The following RGS6 variants were observed in gnomAD, a reference collection of about 807,000 sequenced individuals.
RGS6 encodes the protein regulator of G-protein signaling 6.
In RGS6, 30 loss-of-function variants were observed where a neutral mutation model predicts 78.5. The observed-to-expected ratio is 0.38, with a 90% confidence interval of 0.29 to 0.52. RGS6 has a LOEUF of 0.52. Among genes scored for constraint, RGS6 ranks in the 20% least tolerant of loss-of-function variants. The pLI is 0.85. For missense variants in RGS6, 495 were observed against 609.7 expected, an observed-to-expected ratio of 0.81 and a Z score of 1.98; for synonymous variants, 206 against 206.0, an observed-to-expected ratio of 1.00 and a Z score of 0.00.
chr14:72,604,714 G>T, the RGS6 span, among the ~76,000 whole-genome samples: 1 of 152,112 alleles, frequency 6.6e-6, no homozygotes, highest in African/African-American at 2.4e-5. Flanking sequence ...ACCCTCCTTA[G>T]CTCCTCCCAG....
At chr14:71,930,230 G>C (rs36327), upstream of RGS6, among the ~76,000 whole-genome samples, 25,975 of 151,970 alleles carry the variant, frequency 0.17, 2,435 homozygotes, top group African/African-American at 0.23. Flanking sequence ...CAACTTCAAG[G>C]CACATAGCTA....
intron 2 of RGS6, among the ~76,000 whole-genome samples, chr14:72,057,313 G>GAAAAAAA (rs71109718): frequency 8.2e-4 from 46 of 56,162 alleles, no homozygotes; most frequent in African/African-American, 2.3e-3. Flanking sequence ...GACTCTATCT[G>GAAAAAAA]AAAAAAAAAA....
chr14:72,107,737 T>C (rs1182380043), intron 2 of RGS6, among the ~76,000 whole-genome samples: 1 of 152,182 alleles, frequency 6.6e-6, no homozygotes, highest in Non-Finnish European at 1.5e-5. Context: ...TAACGTCTTC[T>C]GTATGGCATC....
intron 3 of RGS6, among the ~76,000 whole-genome samples, chr14:72,411,996 A>T (rs1025304820): frequency 6.6e-6 from 1 of 152,044 alleles, no homozygotes; most frequent in East Asian, 1.9e-4. Flanking sequence ...TTTTTGCATC[A>T]GTGTTCATCA....
chr14:72,117,604 C>T (rs1457847593), intron 2 of RGS6, among the ~76,000 whole-genome samples: 1 of 152,140 alleles, frequency 6.6e-6, no homozygotes, highest in East Asian at 1.9e-4. Context: ...AGGACTAACA[C>T]AGCAGGTGAG....
chr14:71,986,788 A>G (rs1471355158), intron 2 of RGS6, among the ~76,000 whole-genome samples: 1 of 152,230 alleles, frequency 6.6e-6, no homozygotes, highest in African/African-American at 2.4e-5. Flanking sequence ...ATGATTTGGC[A>G]GAGCTGCATG....
the RGS6 span, among the ~76,000 whole-genome samples, chr14:72,593,529 C>A: frequency 6.6e-6 from 1 of 152,136 alleles, no homozygotes; most frequent in Non-Finnish European, 1.5e-5. Flanking sequence ...AGGTTACAGG[C>A]ACATGCCACG....
chr14:72,195,915 A>G (rs2040001863), intron 2 of RGS6, among the ~76,000 whole-genome samples: 2 of 152,300 alleles, frequency 1.3e-5, no homozygotes, highest in South Asian at 2.1e-4. Context: ...CACACACAAG[A>G]TTTTGAACTT....
chr14:72,028,935 AAGC>A (rs1174197131), intron 2 of RGS6, among the ~76,000 whole-genome samples: 1 of 152,234 alleles, frequency 6.6e-6, no homozygotes, highest in Non-Finnish European at 1.5e-5. Context: ...GGCGTCATAA[AAGC>A]AGAATCTCCA....
At chr14:72,574,659 A>C in the RGS6 span, among the ~76,000 whole-genome samples, 1 of 152,196 alleles carries the variant, frequency 6.6e-6, no homozygotes, top group Non-Finnish European at 1.5e-5. Context: ...TACGTAACCA[A>C]CCTACTGTGA....
chr14:72,541,539 C>T (rs2097327047), intron 17 of RGS6: 3 of 1,535,700 alleles, frequency 2.0e-6, no homozygotes, highest in Non-Finnish European at 1.7e-6. Flanking sequence ...GGCCGTGTGG[C>T]TCCGCACACC....
chr14:71,973,359 T>G (rs1359163233), intron 2 of RGS6, among the ~76,000 whole-genome samples: 1 of 149,918 alleles, frequency 6.7e-6, no homozygotes, highest in East Asian at 2.0e-4. Context: ...TAGGGCTTGT[T>G]TTTTTTCACT....
the RGS6 span, among the ~76,000 whole-genome samples, chr14:71,898,678 C>A: frequency 6.6e-6 from 1 of 152,086 alleles, no homozygotes; most frequent in Non-Finnish European, 1.5e-5. Context: ...CCTCCCACCC[C>A]CCCGACAGGC....
chr14:72,324,932 C>T (rs1358649155), intron 2 of RGS6, among the ~76,000 whole-genome samples: 2 of 152,244 alleles, frequency 1.3e-5, no homozygotes, highest in South Asian at 4.1e-4. Flanking sequence ...AATTACCACA[C>T]TGTCTTCCAC....
chr14:72,180,459 G>T (rs2097159760), intron 2 of RGS6, among the ~76,000 whole-genome samples: 1 of 152,212 alleles, frequency 6.6e-6, no homozygotes, highest in African/African-American at 2.4e-5. Context: ...TAACCTTTAT[G>T]ATACATAGCA....
At chr14:71,889,093 A>G in the RGS6 span, among the ~76,000 whole-genome samples, 1 of 152,108 alleles carries the variant, frequency 6.6e-6, no homozygotes, top group Non-Finnish European at 1.5e-5. Context: ...ACACAGTGTG[A>G]GTAAGGGCCA....
At chr14:72,445,936 C>T (rs887650286) in intron 3 of RGS6, among the ~76,000 whole-genome samples, 10 of 152,064 alleles carry the variant, frequency 6.6e-5, no homozygotes, top group Admixed American at 1.3e-4. Context: ...AGGGTGGGCC[C>T]TAATCTGGTA....
At chr14:72,169,515 G>A (rs749136576) in intron 2 of RGS6, among the ~76,000 whole-genome samples, 2 of 152,208 alleles carry the variant, frequency 1.3e-5, no homozygotes, top group African/African-American at 4.8e-5. Flanking sequence ...GCTTACTTAG[G>A]GTGGTGGTGC....
chr14:72,287,766 T>C (rs1567669965), intron 2 of RGS6, among the ~76,000 whole-genome samples: 1 of 152,234 alleles, frequency 6.6e-6, no homozygotes, highest in South Asian at 2.1e-4. Flanking sequence ...CCAACTTTTT[T>C]ATATTGAGGT....
Sources: gnomAD v4.1 joint callset for allele counts (sites outside exome capture counted in the v4.1 genomes callset) on GRCh38, gnomAD v4.1.1 for gene constraint, MANE v1.5 for transcripts, NCBI Gene and HGNC (gene_info 2026-07-23, HGNC 2026-07-21) for gene names.